SFMBT2: variants seen among roughly 807,000 people sequenced by gnomAD.
SFMBT2 encodes the protein scm-like with four MBT domains protein 2.
In SFMBT2, 38 loss-of-function variants were observed where a neutral mutation model predicts 110.1. The ratio of observed to expected loss-of-function variants is 0.35; its 90% CI spans 0.27 to 0.45. The LOEUF (loss-of-function observed/expected upper bound fraction) is 0.45, where lower values mean the gene tolerates loss of function less well. SFMBT2 is among the 20% of genes least tolerant of loss of function. The pLI, the probability that SFMBT2 is intolerant of heterozygous loss-of-function variation, is 1.00. For synonymous variants in SFMBT2, 425 were observed against 425.4 expected, an observed-to-expected ratio of 1.00 and a Z score of 0.01; for missense variants, 1,011 against 1,094.9, an observed-to-expected ratio of 0.92 and a Z score of 1.08.
intron 7 of SFMBT2, chr10:7,264,147 T>G (rs991144467): frequency 8.2e-6 from 2 of 244,086 alleles, no homozygotes; most frequent in African/African-American, 4.6e-5. Context: ...CACACAGCAT[T>G]TCTTATTTTA....
intron 11 of SFMBT2, chr10:7,214,603 C>G (rs1210467263): frequency 8.1e-6 from 8 of 985,368 alleles, no homozygotes; most frequent in African/African-American, 5.2e-5. Context: ...AACACACTTG[C>G]AGAAATCAGA....
chr10:7,405,830 CGACCCCCGCT>C (rs1272697835), intron 1 of SFMBT2, among the ~76,000 whole-genome samples: 1 of 126,550 alleles, frequency 7.9e-6, no homozygotes, highest in Non-Finnish European at 1.7e-5. Context: ...ATTCCCCCCC[CGACCCCCGCT>C]CTCTCTGTCA....
intron 4 of SFMBT2, among the ~76,000 whole-genome samples, chr10:7,341,430 T>C (rs1412780917): frequency 1.3e-5 from 2 of 152,224 alleles, no homozygotes; most frequent in Admixed American, 6.5e-5. Context: ...TCATTTAAAA[T>C]ATAAAAAGTA....
At chr10:7,315,034 GAAAGAGAA>G (rs1242588091) in intron 4 of SFMBT2, among the ~76,000 whole-genome samples, 2 of 114,994 alleles carry the variant, frequency 1.7e-5, no homozygotes, top group Non-Finnish European at 3.7e-5. Flanking sequence ...GAGAAAGAAA[GAAAGAGAA>G]AGAAAGAAAG....
intron 16 of SFMBT2, among the ~76,000 whole-genome samples, chr10:7,184,608 G>A (rs749966409): frequency 5.3e-5 from 8 of 152,130 alleles, no homozygotes; most frequent in Non-Finnish European, 1.2e-4. Context: ...CAAAAACAGA[G>A]TGAAAAAGCC....
chr10:7,215,804 G>A, intron 11 of SFMBT2: 1 of 880,622 alleles, frequency 1.1e-6, no homozygotes, highest in Non-Finnish European at 1.4e-6. Flanking sequence ...GTCTACTAGG[G>A]ATGGCTCCCC....
intron 1 of SFMBT2, among the ~76,000 whole-genome samples, chr10:7,409,095 C>CA (rs34110020): frequency 0.074 from 10,691 of 145,454 alleles, 470 homozygotes; most frequent in African/African-American, 0.12. Context: ...CCCACCCCAC[C>CA]ACCACCACCA....
intron 2 of SFMBT2, among the ~76,000 whole-genome samples, chr10:7,375,748 AAAC>A (rs1351279694): frequency 1.6e-5 from 2 of 127,162 alleles, no homozygotes; most frequent in African/African-American, 3.2e-5. Context: ...AGAAAAGAAA[AAAC>A]CACACACACA....
chr10:7,263,016 G>A (rs917144959), intron 7 of SFMBT2, among the ~76,000 whole-genome samples: 1 of 152,080 alleles, frequency 6.6e-6, no homozygotes, highest in Non-Finnish European at 1.5e-5. Context: ...ACCTCTTCAA[G>A]TCTGTAAAGA....
At position 7,186,459 on chromosome 10, in the gene SFMBT2, C is replaced by CAT. The variant is rs1554782971; in HGVS notation, c.1808+2163_1808+2164dup. On this transcript the variant is annotated intron_variant, in intron 16 of 20. Coordinates refer to ENST00000397167, the MANE Select transcript of SFMBT2 (RefSeq NM_001387889.1). ...ACACACACACACACACACACACACA[C>CAT]ATATATATATATATAAAAATATTTT... Among the ~76,000 whole-genome samples the CAT allele has an allele frequency of 3.0e-3, 375 of 126,898 alleles. 2 individuals are homozygous for CAT. Among genetic ancestry groups the CAT allele is most frequent in the African/African-American group, 7.6e-3 (235 of 30,858 alleles). 83.3% of individuals were successfully genotyped at this position (126,898 alleles called of 152,430 possible).
At chr10:7,287,528 G>A (rs746575937) in intron 4 of SFMBT2, among the ~76,000 whole-genome samples, 1 of 152,114 alleles carries the variant, frequency 6.6e-6, no homozygotes, top group Non-Finnish European at 1.5e-5. Context: ...CTGCATCCCT[G>A]AGGGACCTGA....
Position 7,172,024 on chromosome 10 carries a change from G to T in SFMBT2, c.2286C>A (p.Thr762=). ...GCACGGGCTCTGAGCCGCTCCGCAG[G>T]GTGACGGCCCTCCGGGGCCGGGCCG... is the stretch of plus-strand genomic sequence containing the variant. ...VPSARPRRAV[T]LRSGSEPVRR... The change falls in exon 19 of 21, where the codon ACC becomes ACA. Residue 762 remains threonine (T), a synonymous_variant. Transcript: ENST00000397167. The surrounding 1 kb of genome is among the most constrained non-coding windows in gnomAD (Gnocchi z 4.6). 1 of 1,585,660 alleles carries T rather than the reference G, an allele frequency of 6.3e-7. No individual in the cohort carries two copies. Among genetic ancestry groups the T allele is most frequent in the South Asian group, 1.1e-5 (1 of 88,076 alleles).
intron 9 of SFMBT2, among the ~76,000 whole-genome samples, chr10:7,242,012 T>C (rs1840445365): frequency 6.6e-6 from 1 of 152,176 alleles, no homozygotes. Context: ...TTTCCTTCAA[T>C]GACACAGGAC....
At chr10:7,314,402 C>A (rs1198585582) in intron 4 of SFMBT2, among the ~76,000 whole-genome samples, 1 of 152,212 alleles carries the variant, frequency 6.6e-6, no homozygotes, top group Non-Finnish European at 1.5e-5. Context: ...ATGGCAAATC[C>A]AAATGTTGAA....
intron 12 of SFMBT2, chr10:7,205,318 C>T (rs1156377729): frequency 8.1e-6 from 6 of 739,282 alleles, no homozygotes; most frequent in Non-Finnish European, 9.9e-6. Flanking sequence ...TCTCAAAATC[C>T]TGGGCTCAAG....
chr10:7,188,521 G>A lies in SFMBT2; in HGVS notation c.1808+103C>T, dbSNP rs1035726533. On this transcript the variant is annotated intron_variant, in intron 16 of 20. Coordinates refer to ENST00000397167, the MANE Select transcript of SFMBT2 (RefSeq NM_001387889.1). ...CTGCAGAACGAACGTCCTTCAGTTT[G>A]TTCCATTTCTCAGGGCTGTGTCACA... 5 of 861,006 alleles carry A rather than the reference G, an allele frequency of 5.8e-6. No homozygotes were observed. The African/African-American group carries it at 6.8e-5, about 12-fold the overall frequency. The allele number at this position is 861,006 out of a possible 1,614,324, so 53.3% of individuals were successfully genotyped here.
chr10:7,390,857 T>C (rs1845743152), intron 1 of SFMBT2, among the ~76,000 whole-genome samples: 1 of 152,192 alleles, frequency 6.6e-6, no homozygotes, highest in Non-Finnish European at 1.5e-5. Flanking sequence ...CCCAGCACTT[T>C]GGGAAGCTGA....
At chr10:7,351,785 G>A (rs1844326249) in intron 4 of SFMBT2, among the ~76,000 whole-genome samples, 1 of 151,936 alleles carries the variant, frequency 6.6e-6, no homozygotes, top group Non-Finnish European at 1.5e-5. Context: ...CCGTGTGGCT[G>A]TATTTCAAGT....
chr10:7,325,521 T>C (rs568027463), intron 4 of SFMBT2, among the ~76,000 whole-genome samples: 32 of 152,330 alleles, frequency 2.1e-4, no homozygotes, highest in African/African-American at 7.5e-4. Context: ...CTTCTCTTCT[T>C]CTAAATACAT....
Sources: allele counts gnomAD v4.1 joint callset (sites outside exome capture counted in the v4.1 genomes callset), GRCh38; gene constraint gnomAD v4.1.1; non-coding constraint Gnocchi (gnomAD v3.1); transcripts MANE v1.5; gene names NCBI Gene and HGNC (gene_info 2026-07-23, HGNC 2026-07-21).